CEP83: variants seen among roughly 807,000 people sequenced by gnomAD.
CEP83 encodes the protein centrosomal protein 83.
CEP83 carries 70 observed loss-of-function variants against 101.9 expected under a neutral mutation model. The ratio of observed to expected loss-of-function variants is 0.69; its 90% CI spans 0.57 to 0.84. The LOEUF (loss-of-function observed/expected upper bound fraction) is 0.84. CEP83 is among the 40% of genes least tolerant of loss of function. The probability of loss-of-function intolerance (pLI) is 0.00; values close to 1 mark genes in which losing one functional copy is unlikely to be tolerated. For missense variants in CEP83, 715 were observed against 787.2 expected, an observed-to-expected ratio of 0.91 and a Z score of 1.10; for synonymous variants, 264 against 267.9, an observed-to-expected ratio of 0.99 and a Z score of 0.14.
At chr12:94,366,294 C>T (rs992065882) in intron 11 of CEP83, among the ~76,000 whole-genome samples, 4 of 151,962 alleles carry the variant, frequency 2.6e-5, no homozygotes, top group African/African-American at 9.7e-5. Flanking sequence ...TAACAAACCA[C>T]ATTAAAGGAG....
intron 11 of CEP83, among the ~76,000 whole-genome samples, chr12:94,345,943 G>A (rs907904482): frequency 5.3e-5 from 8 of 152,194 alleles, no homozygotes; most frequent in Non-Finnish European, 1.2e-4. Context: ...AGGATTACAT[G>A]AAGGTAAACA....
intron 1 of CEP83, among the ~76,000 whole-genome samples, chr12:94,438,999 C>G (rs1216644139): frequency 6.6e-6 from 1 of 152,070 alleles, no homozygotes; most frequent in Non-Finnish European, 1.5e-5. Context: ...AACCTATCAA[C>G]CCTCTGCAAT....
In CEP83 at chr12:94,314,021, G is replaced by A. The variant is rs143053093; in HGVS notation, c.1708-1004C>T. 7.9e-4 allele frequency among the ~76,000 whole-genome samples: 120 copies of A among 152,196 alleles called. 1 individual carries two copies. In the East Asian group the frequency reaches 0.022, roughly 28 times the overall value. ...ATTTAAACTTTACAATATACAAAGG[G>A]AGAAATTCCTAAGTAAATCTTGTAT... On this transcript the variant is annotated intron_variant, in intron 14 of 16. Coordinates refer to ENST00000397809, the MANE Select transcript of CEP83 (RefSeq NM_016122.3).
At chr12:94,450,102 G>A (rs1246766674) in intron 1 of CEP83, among the ~76,000 whole-genome samples, 1 of 152,156 alleles carries the variant, frequency 6.6e-6, no homozygotes, top group Admixed American at 6.5e-5. Flanking sequence ...TGGGAGTAAT[G>A]CAATGCACAT....
intron 1 of CEP83, among the ~76,000 whole-genome samples, chr12:94,446,723 A>T (rs941361641): frequency 2.0e-4 from 31 of 152,266 alleles, no homozygotes; most frequent in Non-Finnish European, 3.7e-4. Flanking sequence ...AAAGAAAAAT[A>T]AAAAATAATG....
In CEP83 at chr12:94,368,090, CCTT is replaced by C. The variant is rs1486083035; in HGVS notation, c.1157_1159del (p.Glu386del). On this transcript the variant is annotated inframe_deletion, in exon 10 of 17. Coordinates refer to ENST00000397809, the MANE Select transcript of CEP83 (RefSeq NM_016122.3). ...TTGTAATACCACAAGTTTTTGATAACCTTCTTCTTTGGCAGCTTGTACTTTACG... is the reference window on the plus strand; with the variant it reads ...TTGTAATACCACAAGTTTTTGATAACCTTCTTTGGCAGCTTGTACTTTACG... The C allele has an allele frequency of 5.6e-6, 9 of 1,613,166 alleles. No homozygotes were observed. In the African/African-American group the frequency reaches 6.7e-5, roughly 12 times the overall value.
intron 11 of CEP83, chr12:94,361,605 T>C (rs916533759): frequency 2.0e-5 from 3 of 151,874 alleles, no homozygotes; most frequent in African/African-American, 4.8e-5. Flanking sequence ...CATAGATAAA[T>C]GAGATCGTAT....
At chr12:94,299,760 A>G in the CEP83 span, among the ~76,000 whole-genome samples, 7 of 152,162 alleles carry the variant, frequency 4.6e-5, no homozygotes, top group East Asian at 1.2e-3. Flanking sequence ...AGGTCTCACT[A>G]CACTGCCCAG....
chr12:94,266,410 C>T, the CEP83 span, among the ~76,000 whole-genome samples: 3 of 152,278 alleles, frequency 2.0e-5, no homozygotes, highest in East Asian at 3.9e-4. Flanking sequence ...TCTGAGAGGC[C>T]GGAGAGTGGG....
intron 1 of CEP83, among the ~76,000 whole-genome samples, chr12:94,443,772 C>A (rs1343787565): frequency 6.6e-6 from 1 of 152,000 alleles, no homozygotes; most frequent in Non-Finnish European, 1.5e-5. Context: ...CAGGCATGAG[C>A]CACTGTGCCC....
chr12:94,420,301 T>C (rs1013718924), intron 2 of CEP83, among the ~76,000 whole-genome samples: 14 of 152,302 alleles, frequency 9.2e-5, no homozygotes, highest in African/African-American at 2.2e-4. Context: ...TGAAATGTGG[T>C]ATACACAGGT....
chr12:94,325,604 A>G (rs1414862019), intron 14 of CEP83, among the ~76,000 whole-genome samples: 1 of 152,240 alleles, frequency 6.6e-6, no homozygotes, highest in Non-Finnish European at 1.5e-5. Flanking sequence ...ATTCCAGTGA[A>G]TGAGTAAGTA....
At chr12:94,405,287 T>A (rs750156103) in intron 4 of CEP83, among the ~76,000 whole-genome samples, 24 of 152,204 alleles carry the variant, frequency 1.6e-4, no homozygotes, top group Non-Finnish European at 4.4e-5. Context: ...TATTAATGAA[T>A]AAGTATTTTA....
At chr12:94,279,432 A>G in the CEP83 span, 63 of 1,567,652 alleles carry the variant, frequency 4.0e-5, no homozygotes, top group Non-Finnish European at 4.8e-5. Flanking sequence ...TCAGATTGCA[A>G]TTATCTAATA....
the CEP83 span, chr12:94,279,758 C>A: frequency 1.0e-6 from 1 of 971,884 alleles, no homozygotes; most frequent in Non-Finnish European, 1.6e-6. Flanking sequence ...CATTCAGTGA[C>A]ACTTACACAG....
intron 2 of CEP83, among the ~76,000 whole-genome samples, chr12:94,429,233 G>A (rs1341923526): frequency 6.6e-6 from 1 of 152,196 alleles, no homozygotes; most frequent in African/African-American, 2.4e-5. Flanking sequence ...AGCCTGGAGA[G>A]AATTCCCAGT....
intron 14 of CEP83, among the ~76,000 whole-genome samples, chr12:94,329,278 T>A (rs749126358): frequency 7.2e-5 from 11 of 152,168 alleles, no homozygotes; most frequent in African/African-American, 2.2e-4. Context: ...AATTATTATT[T>A]TTTTTTGAGA....
chr12:94,446,212 T>C lies in CEP83; in HGVS notation c.-154-10885A>G, dbSNP rs150384444. Reference sequence around the variant, plus strand: ...CTATCTTACTTGTTTTTTTTACTAATCTTTCTTAAACATTATAGCTCACAT... The same window carrying C: ...CTATCTTACTTGTTTTTTTTACTAACCTTTCTTAAACATTATAGCTCACAT... On this transcript the variant is annotated intron_variant, in intron 1 of 16. Coordinates refer to ENST00000397809, the MANE Select transcript of CEP83 (RefSeq NM_016122.3). 4.6e-5 allele frequency among the ~76,000 whole-genome samples: 7 copies of C among 152,370 alleles called. No individual in the cohort carries two copies. The East Asian group carries it at 1.3e-3, about 29-fold the overall frequency.
chr12:94,376,630 A>C (rs2061550235), intron 7 of CEP83, among the ~76,000 whole-genome samples: 1 of 150,262 alleles, frequency 6.7e-6, no homozygotes, highest in Admixed American at 6.7e-5. Flanking sequence ...TCATGAGGGG[A>C]GGGAAACTAA....
Sources: gnomAD v4.1 joint callset for allele counts (sites outside exome capture counted in the v4.1 genomes callset) on GRCh38, gnomAD v4.1.1 for gene constraint, MANE v1.5 for transcripts, NCBI Gene and HGNC (gene_info 2026-07-23, HGNC 2026-07-21) for gene names.